Variants in GABRA2 observed in about 807,000 individuals in gnomAD.
GABRA2 encodes gamma-aminobutyric acid receptor subunit alpha-2.
GABRA2 carries 16 observed loss-of-function variants against 48.7 expected under a neutral mutation model. That is an observed-to-expected ratio of 0.33 (90% confidence interval 0.22 to 0.50). GABRA2 has a LOEUF of 0.50. Among genes scored for constraint, GABRA2 ranks in the 20% least tolerant of loss-of-function variants. The pLI, the probability that GABRA2 is intolerant of heterozygous loss-of-function variation, is 0.98. For missense variants in GABRA2, 275 were observed against 535.6 expected, an observed-to-expected ratio of 0.51 and a Z score of 4.80; for synonymous variants, 185 against 184.5, an observed-to-expected ratio of 1.00 and a Z score of -0.02.
intron 8 of GABRA2, among the ~76,000 whole-genome samples, chr4:46,284,077 G>GAA (rs3068328): frequency 5.7e-5 from 7 of 123,344 alleles, no homozygotes; most frequent in Admixed American, 8.4e-5. Context: ...GTTCTTAATA[G>GAA]AAAAAAAAAA....
chr4:46,364,462 C>T (rs959792468), intron 3 of GABRA2: 2 of 152,206 alleles, frequency 1.3e-5, no homozygotes, highest in Admixed American at 6.5e-5. Context: ...GTCCAGCATG[C>T]TATGTCTTGG....
intron 8 of GABRA2, among the ~76,000 whole-genome samples, chr4:46,282,426 T>C (rs1022709124): frequency 6.6e-6 from 1 of 152,202 alleles, no homozygotes; most frequent in African/African-American, 2.4e-5. Context: ...TTGTGACTAA[T>C]AAGAATAAAA....
At chr4:46,378,644 A>G (rs1183634348) in intron 3 of GABRA2, among the ~76,000 whole-genome samples, 1 of 147,084 alleles carries the variant, frequency 6.8e-6, no homozygotes, top group Non-Finnish European at 1.5e-5. Context: ...GAAACACCCA[A>G]GAATGATCAA....
chr4:46,275,828 C>A (rs554564966), intron 8 of GABRA2, among the ~76,000 whole-genome samples: 1 of 151,988 alleles, frequency 6.6e-6, no homozygotes, highest in Non-Finnish European at 1.5e-5. Context: ...GAATTTTTAT[C>A]ACAAAAATTC....
intron 8 of GABRA2, among the ~76,000 whole-genome samples, chr4:46,273,656 G>A (rs1190425699): frequency 6.6e-6 from 1 of 151,716 alleles, no homozygotes; most frequent in Non-Finnish European, 1.5e-5. Flanking sequence ...AGATAAGATG[G>A]AAATAAATTT....
intron 3 of GABRA2, among the ~76,000 whole-genome samples, chr4:46,377,067 C>T (rs909843068): frequency 1.3e-5 from 2 of 152,050 alleles, no homozygotes; most frequent in African/African-American, 4.8e-5. Context: ...AGTGCAGTGG[C>T]GTGATCTCGG....
intron 8 of GABRA2, among the ~76,000 whole-genome samples, chr4:46,283,299 TCTTTC>T (rs1290763070): frequency 6.6e-6 from 1 of 152,172 alleles, no homozygotes; most frequent in Non-Finnish European, 1.5e-5. Flanking sequence ...TTATTCTTCC[TCTTTC>T]CTGTAATATG....
intron 8 of GABRA2, among the ~76,000 whole-genome samples, chr4:46,290,413 G>GTCAT (rs1723413523): frequency 6.6e-6 from 1 of 151,432 alleles, no homozygotes; most frequent in Admixed American, 6.6e-5. Context: ...AACGTAGAAT[G>GTCAT]TCTATTTAAT....
chr4:46,289,326 A>AAATATACCATTT (rs1723141575), intron 8 of GABRA2, among the ~76,000 whole-genome samples: 1 of 152,244 alleles, frequency 6.6e-6, no homozygotes, highest in Non-Finnish European at 1.5e-5. Flanking sequence ...ATGGTAGACT[A>AAATATACCATTT]AGAAAATGTG....
intron 2 of GABRA2, 124 bp from the exon 3 acceptor site, chr4:46,386,313 CTT>C: frequency 1.7e-6 from 1 of 575,844 alleles, no homozygotes; most frequent in Non-Finnish European, 3.0e-6. Flanking sequence ...CGTTTTCCTC[CTT>C]TTTTTTTAAC....
In GABRA2 at chr4:46,245,539, A is replaced by G. The variant is rs1713561195; in HGVS notation, c.*4769T>C. 6.6e-6 allele frequency among the ~76,000 whole-genome samples: 1 copy of G among 151,404 alleles called. No homozygotes were observed. Among genetic ancestry groups the G allele is most frequent in the Non-Finnish European group, 1.5e-5 (1 of 67,520 alleles). Reference sequence around the variant, plus strand: ...CCTAATTCTAATTAATAAGTTTGTTATGGATTTACTGAAAAATGTGTTCTA... The same window carrying G: ...CCTAATTCTAATTAATAAGTTTGTTGTGGATTTACTGAAAAATGTGTTCTA... On this transcript the variant is annotated 3_prime_UTR_variant, in exon 10 of 10. Transcript: ENST00000381620.
At chr4:46,263,066 TACAC>T (rs1448012421) in intron 8 of GABRA2, among the ~76,000 whole-genome samples, 2 of 151,170 alleles carry the variant, frequency 1.3e-5, no homozygotes, top group African/African-American at 2.4e-5. Flanking sequence ...ATAAGACAAA[TACAC>T]ACGTACATAT....
chr4:46,377,888 C>T (rs1716105258), intron 3 of GABRA2, among the ~76,000 whole-genome samples: 1 of 151,234 alleles, frequency 6.6e-6, no homozygotes, highest in Non-Finnish European at 1.5e-5. Flanking sequence ...CAGCTAGCCG[C>T]CCCGTCCAGG....
rs1404983410 is a variant in GABRA2 at position 46,305,643 on chromosome 4, G to A, written c.628C>T (p.Pro210Ser). 3 of 1,613,632 alleles carry A rather than the reference G, an allele frequency of 1.9e-6. No homozygotes were observed. The highest frequency in any genetic ancestry group is 2.5e-6 in the Non-Finnish European group (3 of 1,179,610). Reference protein sequence around the residue: ...YNASDSVQVAPDGSRLNQYDL... With the variant: ...YNASDSVQVASDGSRLNQYDL... Reference sequence around the variant, plus strand: ...TATTGATTTAACCTAGAGCCATCAGGAGCAACCTGTACTGAATCAGATGCA... The same window carrying A: ...TATTGATTTAACCTAGAGCCATCAGAAGCAACCTGTACTGAATCAGATGCA... Residue 210 changes from proline to serine, a missense_variant, in exon 7 of 10, where the codon CCT (proline) becomes TCT (serine). This residue lies in a region of GABRA2 where 113 missense variants were observed against 257.1 expected (regional missense o/e 0.44). Transcript: ENST00000381620.
rs1370808706 is a variant in GABRA2 at position 46,318,752 on chromosome 4, CAT to C, written c.256-6038_256-6037del. On this transcript the variant is annotated intron_variant, in intron 4 of 9. Transcript: ENST00000381620. ...ATTACACAATGCAGTGGAGAATACA[CAT>C]ACAACTAAAGTGCAAATTTAATAAG... 2.6e-5 allele frequency among the ~76,000 whole-genome samples: 4 copies of C among 151,566 alleles called. No individual in the cohort carries two copies. The Admixed American group carries it at 2.6e-4, about 10-fold the overall frequency.
At position 46,375,061 on chromosome 4, in the gene GABRA2, A is replaced by G. The variant is rs145094573; in HGVS notation, c.187+11013T>C. ...AAGGTGAAATAGATTTAACTCATGT[A>G]TCAAATTAAGATTGCACCTTAAAAA... On this transcript the variant is annotated intron_variant, in intron 3 of 9. Transcript: ENST00000381620. Among the ~76,000 whole-genome samples, 647 of 152,252 alleles carry G rather than the reference A, an allele frequency of 4.2e-3. 4 individuals are homozygous for G. The highest frequency in any genetic ancestry group is 0.015 in the African/African-American group (611 of 41,572).
chr4:46,339,801 T>C (rs986230715), intron 3 of GABRA2, among the ~76,000 whole-genome samples: 10 of 151,852 alleles, frequency 6.6e-5, no homozygotes, highest in African/African-American at 1.7e-4. Flanking sequence ...TTTGGTGTTC[T>C]GTATTTATAC....
Position 46,388,707 on chromosome 4 carries a change from C to T in GABRA2, c.-1G>A. Reference sequence around the variant, plus strand: ...TGTAGATGTTCAATTTTGTCTTCATCACCGCCGCTCTTTACAAAGCCATGG... The same window carrying T: ...TGTAGATGTTCAATTTTGTCTTCATTACCGCCGCTCTTTACAAAGCCATGG... On this transcript the variant is annotated 5_prime_UTR_variant, in exon 2 of 10. Coordinates refer to ENST00000381620, the MANE Select transcript of GABRA2 (RefSeq NM_000807.4). The T allele has an allele frequency of 1.2e-6, 2 of 1,614,042 alleles. No homozygotes were observed. The highest frequency in any genetic ancestry group is 2.2e-5 in the East Asian group (1 of 44,860).
chr4:46,291,107 G>A (rs922132297), intron 8 of GABRA2, among the ~76,000 whole-genome samples: 1 of 152,128 alleles, frequency 6.6e-6, no homozygotes, highest in Non-Finnish European at 1.5e-5. Context: ...AATGAGTTAG[G>A]AAGTGTTCTT....
Sources: gnomAD v4.1 joint callset for allele counts (sites outside exome capture counted in the v4.1 genomes callset) on GRCh38, gnomAD v4.1.1 for gene constraint, gnomAD v4.1.1 regional missense constraint, MANE v1.5 for transcripts, NCBI Gene and HGNC (gene_info 2026-07-23, HGNC 2026-07-21) for gene names.